Variants in SUGCT observed in about 807,000 individuals in gnomAD.
SUGCT encodes succinyl-CoA:glutarate-CoA transferase, also known as succinyl-CoA:glutarate CoA-transferase.
Under a neutral mutation model 55.0 loss-of-function variants are expected in SUGCT, and 41 were observed. The observed-to-expected ratio is 0.74, with a 90% confidence interval of 0.58 to 0.97. The LOEUF is 0.97. Among genes scored for constraint, SUGCT ranks in the 50% least tolerant of loss-of-function variants. The pLI, the probability that SUGCT is intolerant of heterozygous loss-of-function variation, is 0.00. For missense variants in SUGCT, 568 were observed against 547.8 expected, an observed-to-expected ratio of 1.04 and a Z score of -0.37; for synonymous variants, 187 against 200.4, an observed-to-expected ratio of 0.93 and a Z score of 0.56.
chr7:40,968,873 G>A, the SUGCT span, among the ~76,000 whole-genome samples: 1 of 152,130 alleles, frequency 6.6e-6, no homozygotes, highest in African/African-American at 2.4e-5. Context: ...CCACAGACCT[G>A]AGGGTGGAAG....
chr7:40,617,620 G>C (rs759019732), intron 12 of SUGCT, among the ~76,000 whole-genome samples: 6 of 151,470 alleles, frequency 4.0e-5, no homozygotes, highest in Non-Finnish European at 8.8e-5. Context: ...TAACTTACTG[G>C]GATTAAAAAG....
the SUGCT span, among the ~76,000 whole-genome samples, chr7:40,942,197 A>G: frequency 3.9e-5 from 6 of 152,238 alleles, no homozygotes; most frequent in Non-Finnish European, 5.9e-5. Flanking sequence ...TCTAGTGCAT[A>G]TGGACCTTTT....
chr7:40,421,186 C>G (rs938642908), intron 9 of SUGCT, among the ~76,000 whole-genome samples: 1 of 152,120 alleles, frequency 6.6e-6, no homozygotes, highest in Non-Finnish European at 1.5e-5. Flanking sequence ...CTAGTGAGAC[C>G]GTTGGCACCC....
chr7:40,535,771 A>G (rs1794328386), intron 12 of SUGCT, among the ~76,000 whole-genome samples: 1 of 152,188 alleles, frequency 6.6e-6, no homozygotes, highest in African/African-American at 2.4e-5. Context: ...TCCTGACCTC[A>G]GGTGATCCAC....
the SUGCT span, among the ~76,000 whole-genome samples, chr7:40,890,969 C>A: frequency 6.6e-6 from 1 of 151,620 alleles, no homozygotes; most frequent in African/African-American, 2.4e-5. Context: ...GAGAGACAAC[C>A]CATAAAAAAG....
intron 9 of SUGCT, among the ~76,000 whole-genome samples, chr7:40,440,145 G>GTTTTTTTTTTTTTTT (rs138984553): frequency 1.5e-5 from 1 of 68,438 alleles, no homozygotes; most frequent in African/African-American, 6.7e-5. Flanking sequence ...GTGTGTGTGT[G>GTTTTTTTTTTTTTTT]TTTTTTTTTT....
intron 7 of SUGCT, among the ~76,000 whole-genome samples, chr7:40,251,789 G>A (rs890312775): frequency 5.9e-5 from 9 of 151,894 alleles, no homozygotes; most frequent in Non-Finnish European, 2.9e-5. Context: ...CCTCAGTATT[G>A]TCTTGGTGAG....
chr7:40,494,969 TG>T (rs1307767133), intron 11 of SUGCT, among the ~76,000 whole-genome samples: 1 of 152,100 alleles, frequency 6.6e-6, no homozygotes, highest in African/African-American at 2.4e-5. Flanking sequence ...TGGAGTGCGA[TG>T]GTGCGACCTC....
At chr7:40,396,662 A>T (rs1785750260) in intron 9 of SUGCT, among the ~76,000 whole-genome samples, 1 of 152,196 alleles carries the variant, frequency 6.6e-6, no homozygotes, top group Admixed American at 6.5e-5. Flanking sequence ...ATGCATACAA[A>T]TGTGTTTAAC....
At chr7:40,928,913 CCTTTTT>C in the SUGCT span, among the ~76,000 whole-genome samples, 9 of 152,070 alleles carry the variant, frequency 5.9e-5, no homozygotes, top group East Asian at 1.4e-3. Context: ...TCTACTTTTT[CCTTTTT>C]CTTTTTCTTT....
At chr7:40,937,696 C>G in the SUGCT span, among the ~76,000 whole-genome samples, 4 of 152,104 alleles carry the variant, frequency 2.6e-5, no homozygotes, top group African/African-American at 7.2e-5. Context: ...TCTATTTTGC[C>G]TGATATTAGT....
At chr7:40,577,145 C>G (rs1198378208) in intron 12 of SUGCT, among the ~76,000 whole-genome samples, 1 of 152,186 alleles carries the variant, frequency 6.6e-6, no homozygotes, top group Non-Finnish European at 1.5e-5. Flanking sequence ...CGATTTTAAG[C>G]TTTCTCAGAT....
the SUGCT span, among the ~76,000 whole-genome samples, chr7:40,947,812 A>C: frequency 1.3e-5 from 2 of 152,180 alleles, no homozygotes; most frequent in Admixed American, 1.3e-4. Flanking sequence ...GAGTCTCTTC[A>C]TATGTGCTAA....
At chr7:40,454,783 G>T (rs1367926842) in intron 10 of SUGCT, among the ~76,000 whole-genome samples, 1 of 152,104 alleles carries the variant, frequency 6.6e-6, no homozygotes, top group African/African-American at 2.4e-5. Context: ...AGAAATGAAG[G>T]TTAAATAAAG....
At position 40,503,496 on chromosome 7, in the gene SUGCT, G is replaced by T. The variant is rs1792412405; in HGVS notation, c.1089+7110G>T. Among the ~76,000 whole-genome samples, 5 of 152,000 alleles carry T rather than the reference G, an allele frequency of 3.3e-5. No individual in the cohort carries two copies. The South Asian group carries it at 8.3e-4, about 25-fold the overall frequency. ...GGGGCTAGCAAAAAATAAAGAGATAGATCAATGAAACATAAAGAAAAACTT... is the reference window on the plus strand; with the variant it reads ...GGGGCTAGCAAAAAATAAAGAGATATATCAATGAAACATAAAGAAAAACTT... On this transcript the variant is annotated intron_variant, in intron 12 of 13. Coordinates refer to ENST00000335693, the MANE Select transcript of SUGCT (RefSeq NM_001193313.2).
intron 8 of SUGCT, among the ~76,000 whole-genome samples, chr7:40,284,310 T>C (rs148017968): frequency 2.6e-5 from 4 of 151,958 alleles, no homozygotes; most frequent in Non-Finnish European, 4.4e-5. Context: ...AAAACACAAG[T>C]ATATGAGGTG....
chr7:40,326,574 T>G (rs758708607), intron 9 of SUGCT, among the ~76,000 whole-genome samples: 4 of 152,296 alleles, frequency 2.6e-5, no homozygotes, highest in Non-Finnish European at 5.9e-5. Flanking sequence ...GTAATTTTGT[T>G]TTAAAAAAAC....
the SUGCT span, among the ~76,000 whole-genome samples, chr7:41,001,790 G>C: frequency 6.6e-6 from 1 of 152,078 alleles, no homozygotes; most frequent in South Asian, 2.1e-4. Flanking sequence ...TTGGTGGTGA[G>C]GATTTAAATG....
At chr7:40,955,899 G>A in the SUGCT span, among the ~76,000 whole-genome samples, 17 of 152,138 alleles carry the variant, frequency 1.1e-4, no homozygotes, top group African/African-American at 4.1e-4. Flanking sequence ...TGTGATTGTT[G>A]TCATTGATTC....
Sources: gnomAD v4.1 joint callset for allele counts (sites outside exome capture counted in the v4.1 genomes callset) on GRCh38, gnomAD v4.1.1 for gene constraint, MANE v1.5 for transcripts, NCBI Gene and HGNC (gene_info 2026-07-23, HGNC 2026-07-21) for gene names.